Variants in NTN1 observed in about 807,000 individuals in gnomAD.
The protein encoded by NTN1 is netrin 1.
NTN1 carries 11 observed loss-of-function variants against 54.2 expected under a neutral mutation model. That is an observed-to-expected ratio of 0.20 (90% CI 0.13 to 0.34). The LOEUF is 0.34. Ranked by LOEUF, NTN1 falls within the 10% of genes least tolerant of loss-of-function variation. The probability of loss-of-function intolerance (pLI) is 1.00; values close to 1 mark genes in which losing one functional copy is unlikely to be tolerated. For synonymous variants in NTN1, 371 were observed against 382.0 expected (o/e 0.97, Z 0.33); for missense variants, 740 against 893.1 (o/e 0.83, Z 2.18).
chr17:9,026,889 A>G (rs890826709), intron 2 of NTN1, among the ~76,000 whole-genome samples: 3 of 152,064 alleles, frequency 2.0e-5, no homozygotes, highest in Non-Finnish European at 2.9e-5. Context: ...ATGGCTTTGC[A>G]TTGCTCAGCT....
rs533864026 is a variant in NTN1, at chr17:9,024,648, G to GA, written c.1018+1257_1018+1258insA. Reference sequence around the variant, plus strand: ...GATGCAGAGTTTTGAGCAAGGGAATGGAAAACATGTCTTGGAGGGCCGGAT... The same window carrying GA: ...GATGCAGAGTTTTGAGCAAGGGAATGAGAAAACATGTCTTGGAGGGCCGGAT... On this transcript the variant is annotated intron_variant, in intron 2 of 6. Coordinates refer to ENST00000173229, the MANE Select transcript of NTN1 (RefSeq NM_004822.3). Among the ~76,000 whole-genome samples, 388 of 152,348 alleles carry GA rather than the reference G, an allele frequency of 2.5e-3. 2 individuals are homozygous for GA. Among genetic ancestry groups the GA allele is most frequent in the African/African-American group, 8.9e-3 (368 of 41,580 alleles).
chr17:9,095,218 A>T (rs185235710), intron 2 of NTN1, among the ~76,000 whole-genome samples: 1 of 152,174 alleles, frequency 6.6e-6, no homozygotes, highest in Admixed American at 6.5e-5. Flanking sequence ...TTCAATTGCA[A>T]ACAGTTTCCC....
chr17:9,156,988 C>G (rs941038583), intron 2 of NTN1, among the ~76,000 whole-genome samples: 2 of 147,936 alleles, frequency 1.4e-5, no homozygotes, highest in African/African-American at 4.9e-5. Context: ...ACCTATCAAC[C>G]CCATCCATCC....
rs1346379504 is a variant in NTN1, at chr17:9,135,231, A to G, written c.1019-27582A>G. 1.3e-5 allele frequency among the ~76,000 whole-genome samples: 2 copies of G among 152,058 alleles called. No individual in the cohort carries two copies. Among genetic ancestry groups the G allele is most frequent in the African/African-American group, 2.4e-5 (1 of 41,386 alleles). ...GTCTGGGCTGCCCTTTACTGGCTAC[A>G]GGAGGGTCACTGTTCTGCTGGAAAG... On this transcript the variant is annotated intron_variant, in intron 2 of 6. Coordinates refer to ENST00000173229, the MANE Select transcript of NTN1 (RefSeq NM_004822.3). The surrounding 1 kb of genome is among the most constrained non-coding windows in gnomAD (Gnocchi z 4.4).
the NTN1 span, among the ~76,000 whole-genome samples, chr17:9,016,435 C>T: frequency 6.6e-6 from 1 of 152,192 alleles, no homozygotes; most frequent in African/African-American, 2.4e-5. Context: ...CCACAACCTC[C>T]TCAGTTATTC....
chr17:9,202,557 T>TG (rs1014571020), intron 5 of NTN1, among the ~76,000 whole-genome samples: 1 of 152,266 alleles, frequency 6.6e-6, no homozygotes, highest in Non-Finnish European at 1.5e-5. Context: ...GTCTTGCCGG[T>TG]GGGGGGACTT....
At chr17:9,146,777 G>A (rs2142285186) in intron 2 of NTN1, among the ~76,000 whole-genome samples, 1 of 152,276 alleles carries the variant, frequency 6.6e-6, no homozygotes, top group Non-Finnish European at 1.5e-5. Context: ...CTCGCCGCAG[G>A]ACTCTCCTTT....
intron 3 of NTN1, among the ~76,000 whole-genome samples, chr17:9,172,302 C>T (rs937983641): frequency 2.0e-5 from 3 of 151,592 alleles, no homozygotes; most frequent in Non-Finnish European, 4.4e-5. Flanking sequence ...TCGAGACCAT[C>T]CTGGGAAACA....
At chr17:9,049,599 C>T (rs531663525) in intron 2 of NTN1, among the ~76,000 whole-genome samples, 12 of 152,132 alleles carry the variant, frequency 7.9e-5, no homozygotes, top group Non-Finnish European at 1.8e-4. Context: ...AAATGAGAGA[C>T]ATTCTAGAAA....
chr17:9,014,118 G>A, the NTN1 span, among the ~76,000 whole-genome samples: 2 of 152,150 alleles, frequency 1.3e-5, no homozygotes, highest in Non-Finnish European at 2.9e-5. Context: ...GATAAACGAC[G>A]TTGGGGAAAT....
At chr17:9,118,649 C>G (rs999989143) in intron 2 of NTN1, among the ~76,000 whole-genome samples, 1 of 152,204 alleles carries the variant, frequency 6.6e-6, no homozygotes, top group African/African-American at 2.4e-5. Flanking sequence ...TTCCTCCCAC[C>G]CACCCCCTTT....
At chr17:9,123,886 G>T (rs968538755) in intron 2 of NTN1, among the ~76,000 whole-genome samples, 1 of 152,174 alleles carries the variant, frequency 6.6e-6, no homozygotes, top group African/African-American at 2.4e-5. Flanking sequence ...AATGTGAAGG[G>T]TTATTCATGT....
intron 2 of NTN1, among the ~76,000 whole-genome samples, chr17:9,031,744 A>G (rs1193766602): frequency 6.6e-6 from 1 of 152,142 alleles, no homozygotes; most frequent in Non-Finnish European, 1.5e-5. Context: ...CGGGAGTTCG[A>G]GACCAGCCTG....
chr17:9,183,430 TCTAA>T (rs1367210831), intron 5 of NTN1: 2 of 411,810 alleles, frequency 4.9e-6, no homozygotes, highest in East Asian at 7.1e-5. Context: ...TTCATTCGCC[TCTAA>T]CTAAAAATTT....
At chr17:9,160,334 G>A (rs1240735806) in intron 2 of NTN1, among the ~76,000 whole-genome samples, 1 of 151,974 alleles carries the variant, frequency 6.6e-6, no homozygotes, top group Non-Finnish European at 1.5e-5. Context: ...CAAACTCCTG[G>A]CTCCAAGAGA....
intron 2 of NTN1, 140 bp downstream of exon 2, chr17:9,023,531 G>A (rs922071067): frequency 1.8e-6 from 2 of 1,094,970 alleles, no homozygotes; most frequent in Non-Finnish European, 2.4e-6. Context: ...GACCCGGGAG[G>A]GCTCAGAGCA....
At position 9,022,875 on chromosome 17, in the gene NTN1, G is replaced by A. The variant is rs2091857184; in HGVS notation, c.502G>A (p.Gly168Arg). The A allele has an allele frequency of 6.2e-7, 1 of 1,611,986 alleles. No individual in the cohort carries two copies. The highest frequency in any genetic ancestry group is 1.3e-5 in the African/African-American group (1 of 74,824). ...GGCCATCTACAAGTCCATGGACTACGGGCGCACGTGGGTGCCCTTCCAGTT... is the reference window on the plus strand; with the variant it reads ...GGCCATCTACAAGTCCATGGACTACAGGCGCACGTGGGTGCCCTTCCAGTT... ...SMAIYKSMDY[G>R]RTWVPFQFYS... Residue 168 changes from glycine to arginine, a missense_variant, in exon 2 of 7, where the codon GGG (glycine) becomes AGG (arginine). Transcript: ENST00000173229.
chr17:9,235,816 G>A (rs749131614), intron 6 of NTN1, among the ~76,000 whole-genome samples: 1 of 150,742 alleles, frequency 6.6e-6, no homozygotes, highest in Non-Finnish European at 1.5e-5. Context: ...GTGCAGTGGC[G>A]TGATCTTGGC....
chr17:9,198,175 A>AG (rs1679861635), intron 5 of NTN1, among the ~76,000 whole-genome samples: 1 of 152,220 alleles, frequency 6.6e-6, no homozygotes, highest in Non-Finnish European at 1.5e-5. Flanking sequence ...GGGAAGCACG[A>AG]GAGTGCAGGG....
Sources: allele counts gnomAD v4.1 joint callset (sites outside exome capture counted in the v4.1 genomes callset), GRCh38; gene constraint gnomAD v4.1.1; non-coding constraint Gnocchi (gnomAD v3.1); transcripts MANE v1.5; gene names NCBI Gene and HGNC (gene_info 2026-07-23, HGNC 2026-07-21).